The following DCAF4 variants were observed in gnomAD, a reference collection of about 807,000 sequenced individuals.
The protein encoded by DCAF4 is DDB1 and CUL4 associated factor 4.
In DCAF4, 37 loss-of-function variants were observed where a neutral mutation model predicts 60.9. That is an observed-to-expected ratio of 0.61 (90% CI 0.47 to 0.80). DCAF4 has a LOEUF of 0.80. Among genes scored for constraint, DCAF4 ranks in the 30% least tolerant of loss-of-function variants. DCAF4 has a pLI of 0.00. For missense variants in DCAF4, 577 were observed against 650.0 expected (o/e 0.89, Z 1.22); for synonymous variants, 243 against 254.8 (o/e 0.95, Z 0.44).
intron 6 of DCAF4, among the ~76,000 whole-genome samples, chr14:72,945,541 G>A (rs145050044): frequency 1.3e-5 from 2 of 150,544 alleles, no homozygotes; most frequent in East Asian, 2.0e-4. Context: ...CACAGCCTTC[G>A]TGATGGCACA....
chr14:72,937,170 C>G (rs890573871), intron 1 of DCAF4, among the ~76,000 whole-genome samples: 19 of 151,946 alleles, frequency 1.3e-4, no homozygotes, highest in African/African-American at 3.9e-4. Context: ...AATGAAAAAC[C>G]TGGGCATGTT....
chr14:72,940,344 G>A lies in DCAF4; in HGVS notation c.318G>A (p.Leu106=), dbSNP rs757950361. 75 of 1,613,252 alleles carry A rather than the reference G, an allele frequency of 4.6e-5. No individual in the cohort carries two copies. Among genetic ancestry groups the A allele is most frequent in the Non-Finnish European group, 6.1e-5 (72 of 1,179,866 alleles). The change falls in exon 4 of 14, where the codon CTG becomes CTA. Residue 106 remains leucine (L), a synonymous_variant. Coordinates refer to ENST00000358377, the MANE Select transcript of DCAF4 (RefSeq NM_015604.4). ...IRQKEMESKR[L]RLLQEEDRRK... ...AGAAGGAGATGGAGAGCAAGAGACT[G>A]CGGCTGCTCCAGGAAGAAGACAGAC...
rs1890119060 is a variant in DCAF4 at position 72,942,075 on chromosome 14, T to G, written c.431+251T>G. ...GAGAGGATGGGGACGTAGGCAGAGA[T>G]GTCTATTCTCTGTTACTCGTAAGTC... On this transcript the variant is annotated intron_variant, in intron 5 of 13. Transcript: ENST00000358377. The G allele has an allele frequency of 3.5e-5, 16 of 454,970 alleles. No homozygotes were observed. The East Asian group carries it at 5.3e-4, about 15-fold the overall frequency. 28.2% of individuals were successfully genotyped at this position (454,970 alleles called of 1,614,324 possible). A position where few individuals can be genotyped will look rare whatever the true frequency, so the allele number is the denominator to read the frequency against.
intron 6 of DCAF4, among the ~76,000 whole-genome samples, chr14:72,943,385 C>T (rs1411565811): frequency 1.3e-5 from 2 of 152,186 alleles, no homozygotes; most frequent in African/African-American, 2.4e-5. Flanking sequence ...TACACAATAA[C>T]TTCTCCTTGG....
rs143960756 is a variant in DCAF4 at position 72,956,501 on chromosome 14, G to A, written c.1294+1G>A. 13 of 1,609,112 alleles carry A rather than the reference G, an allele frequency of 8.1e-6. No individual in the cohort carries two copies. In the East Asian group the frequency reaches 8.9e-5, roughly 11 times the overall value. ...GAGGAAGAAGGAATCCTGGTGGCAG[G>A]TACTTGAGGAAGGAAGGGGAAGTTC... On this transcript the variant is annotated splice_donor_variant, in intron 13 of 13. Coordinates refer to ENST00000358377, the MANE Select transcript of DCAF4 (RefSeq NM_015604.4). LOFTEE classifies it high-confidence loss of function.
At chr14:72,929,301 T>A (rs954849099) in intron 1 of DCAF4, among the ~76,000 whole-genome samples, 2 of 152,336 alleles carry the variant, frequency 1.3e-5, no homozygotes, top group East Asian at 3.9e-4. Context: ...TGCTAGACTG[T>A]GAGAGAGAGC....
At chr14:72,953,772 A>AG (rs1891860131) in intron 9 of DCAF4, among the ~76,000 whole-genome samples, 2 of 40,446 alleles carry the variant, frequency 4.9e-5, no homozygotes, top group African/African-American at 1.8e-4. Flanking sequence ...TAGTTTATTT[A>AG]TTTATTTATT....
chr14:72,954,602 C>A, intron 11 of DCAF4, 119 bp downstream of exon 11: 1 of 929,274 alleles, frequency 1.1e-6, no homozygotes, highest in Non-Finnish European at 1.6e-6. Flanking sequence ...GAAAGAGCAT[C>A]AGAAAGGATC....
At chr14:72,953,660 T>C (rs926273288) in intron 9 of DCAF4, among the ~76,000 whole-genome samples, 5 of 126,210 alleles carry the variant, frequency 4.0e-5, no homozygotes, top group Non-Finnish European at 7.8e-5. Flanking sequence ...CATTGAGCCA[T>C]GATCACGCCA....
chr14:72,942,928 A>G, intron 5 of DCAF4, 66 bp from the exon 6 acceptor site: 3 of 1,484,638 alleles, frequency 2.0e-6, no homozygotes, highest in East Asian at 2.3e-5. Context: ...GGAAGGCCAG[A>G]GACCCCCGAA....
chr14:72,961,323 G>C (rs560508985), downstream of DCAF4, among the ~76,000 whole-genome samples: 3 of 152,186 alleles, frequency 2.0e-5, no homozygotes, highest in Non-Finnish European at 4.4e-5. Context: ...CCTCACTGCT[G>C]TGTCCTGCTC....
At chr14:72,934,812 G>C (rs1460178181) in intron 1 of DCAF4, among the ~76,000 whole-genome samples, 1 of 152,164 alleles carries the variant, frequency 6.6e-6, no homozygotes, top group East Asian at 1.9e-4. Flanking sequence ...CCACTCCCCA[G>C]TGCCTCACAT....
intron 11 of DCAF4, among the ~76,000 whole-genome samples, chr14:72,955,146 C>T (rs1400513536): frequency 6.6e-6 from 1 of 151,864 alleles, no homozygotes; most frequent in Admixed American, 6.6e-5. Context: ...TACTATATTT[C>T]ACAGACTTTT....
chr14:72,928,843 A>T (rs1357300821), intron 1 of DCAF4, among the ~76,000 whole-genome samples: 2 of 152,132 alleles, frequency 1.3e-5, no homozygotes, highest in Admixed American at 1.3e-4. Context: ...GGTGAGGCTC[A>T]GCCTGGAAAC....
At chr14:72,942,603 G>GGCCGTATCCTGGGGCTCTTCCCGGCA (rs11273176) in intron 5 of DCAF4, 105 of 188,672 alleles carry the variant, frequency 5.6e-4, no homozygotes, top group African/African-American at 1.5e-3. Flanking sequence ...AACAAGAGGC[G>GGCCGTATCCTGGGGCTCTTCCCGGCA]GCCGTATCCT....
At position 72,932,192 on chromosome 14, in the gene DCAF4, T is replaced by C. The variant is rs1425787093; in HGVS notation, c.-9+5649T>C. Among the ~76,000 whole-genome samples, 6 of 152,328 alleles carry C rather than the reference T, an allele frequency of 3.9e-5. No homozygotes were observed. In the East Asian group the frequency reaches 1.2e-3, roughly 29 times the overall value. ...TTGGTAGAGATGAGGTTTCACTCTATGTTGGCCAGGCTGGTCTTGAACTCC... is the reference window on the plus strand; with the variant it reads ...TTGGTAGAGATGAGGTTTCACTCTACGTTGGCCAGGCTGGTCTTGAACTCC... On this transcript the variant is annotated intron_variant, in intron 1 of 13. Transcript: ENST00000358377.
intron 4 of DCAF4, 109 bp from the exon 5 acceptor site, chr14:72,941,636 A>G (rs1485918569): frequency 1.9e-6 from 2 of 1,043,120 alleles, no homozygotes; most frequent in East Asian, 2.5e-5. Context: ...ATTTCTGCCA[A>G]TTTAGTGCCT....
At chr14:72,943,647 G>A (rs967142255) in intron 6 of DCAF4, among the ~76,000 whole-genome samples, 3 of 152,216 alleles carry the variant, frequency 2.0e-5, no homozygotes, top group African/African-American at 4.8e-5. Context: ...AAGGTCAGCC[G>A]CTTAAACCCA....
downstream of DCAF4, chr14:72,962,003 A>G: frequency 9.1e-7 from 1 of 1,099,372 alleles, no homozygotes; most frequent in Non-Finnish European, 1.1e-6. Flanking sequence ...TTCTAACAGC[A>G]TCTCTTCCCT....
Sources: gnomAD v4.1 joint callset for allele counts (sites outside exome capture counted in the v4.1 genomes callset) on GRCh38, gnomAD v4.1.1 for gene constraint, MANE v1.5 for transcripts, NCBI Gene and HGNC (gene_info 2026-07-23, HGNC 2026-07-21) for gene names.